The following SH3BGR variants were observed in gnomAD, a reference collection of about 807,000 sequenced individuals.
SH3BGR encodes SH3 domain-binding glutamic acid-rich protein.
SH3BGR carries 29 observed loss-of-function variants against 24.5 expected under a neutral mutation model. The ratio of observed to expected loss-of-function variants is 1.18; its 90% CI spans 0.88 to 1.61. SH3BGR has a LOEUF of 1.61. SH3BGR is among the 40% of genes most tolerant of loss of function. The pLI is 0.00. For missense variants in SH3BGR, 162 were observed against 205.8 expected (o/e 0.79, Z 1.30); for synonymous variants, 55 against 65.7 (o/e 0.84, Z 0.79).
intron 3 of SH3BGR, among the ~76,000 whole-genome samples, chr21:39,494,252 T>TTCTTC: frequency 7.6e-6 from 1 of 131,356 alleles, no homozygotes; most frequent in African/African-American, 2.6e-5. Flanking sequence ...CTTCTTCTTC[T>TTCTTC]TTTTTTTTTT....
chr21:39,479,108 G>A (rs1229091511), intron 3 of SH3BGR, among the ~76,000 whole-genome samples: 1 of 152,148 alleles, frequency 6.6e-6, no homozygotes, highest in African/African-American at 2.4e-5. Flanking sequence ...GTGGGTGCAT[G>A]TCTGTATTCC....
chr21:39,497,434 G>A (rs1355394014), intron 3 of SH3BGR, among the ~76,000 whole-genome samples: 4 of 151,608 alleles, frequency 2.6e-5, no homozygotes, highest in Non-Finnish European at 5.9e-5. Flanking sequence ...GCATATTTTA[G>A]AGAATAAAAG....
chr21:39,501,659 ATTTAC>A (rs1335509874), intron 4 of SH3BGR, among the ~76,000 whole-genome samples: 3 of 152,184 alleles, frequency 2.0e-5, no homozygotes, highest in Non-Finnish European at 4.4e-5. Flanking sequence ...ATGCTCTTTG[ATTTAC>A]TTTAATTCAA....
At chr21:39,506,820 TGAGGGTAG>T (rs573084083) in intron 4 of SH3BGR, among the ~76,000 whole-genome samples, 54 of 152,174 alleles carry the variant, frequency 3.5e-4, no homozygotes, top group African/African-American at 1.3e-3. Flanking sequence ...TTTCTAAAGA[TGAGGGTAG>T]TACAGTAAGG....
At chr21:39,486,985 T>A (rs2078222127) in intron 3 of SH3BGR, among the ~76,000 whole-genome samples, 1 of 152,256 alleles carries the variant, frequency 6.6e-6, no homozygotes, top group African/African-American at 2.4e-5. Context: ...TCCAAAGTGC[T>A]AGGATTACAG....
intron 3 of SH3BGR, among the ~76,000 whole-genome samples, chr21:39,479,029 G>C (rs935865287): frequency 3.9e-5 from 6 of 152,126 alleles, no homozygotes; most frequent in African/African-American, 1.4e-4. Context: ...TTTTATGTAA[G>C]TTGTTTTCCT....
At chr21:39,469,272 T>C (rs2077896989) in intron 2 of SH3BGR, among the ~76,000 whole-genome samples, 2 of 151,634 alleles carry the variant, frequency 1.3e-5, no homozygotes, top group Non-Finnish European at 2.9e-5. Context: ...GGTAGTTATG[T>C]CTTCTCTTTA....
intron 3 of SH3BGR, among the ~76,000 whole-genome samples, chr21:39,498,037 A>G (rs2837052): frequency 0.52 from 79,373 of 152,054 alleles, 21,174 homozygotes; most frequent in East Asian, 0.68. Context: ...TATATTTAAT[A>G]TGAAGCAGAT....
In SH3BGR at chr21:39,469,943, G is replaced by A. The variant is rs567191883; in HGVS notation, c.232-5192G>A. Among the ~76,000 whole-genome samples, 309 of 151,948 alleles carry A rather than the reference G, an allele frequency of 2.0e-3. 3 individuals are homozygous for A. Among genetic ancestry groups the A allele is most frequent in the African/African-American group, 6.8e-3 (280 of 41,464 alleles). On this transcript the variant is annotated intron_variant, in intron 2 of 6. Coordinates refer to ENST00000333634, the MANE Select transcript of SH3BGR (RefSeq NM_007341.3). ...AGTGCAGGGATTATGGACGTGAGCC[G>A]CCATGCCCAGCCTGCAGTATTTTCT...
At chr21:39,484,356 C>T (rs529029550) in intron 3 of SH3BGR, among the ~76,000 whole-genome samples, 2 of 152,298 alleles carry the variant, frequency 1.3e-5, no homozygotes, top group East Asian at 1.9e-4. Flanking sequence ...GTCAATGAAA[C>T]ACTCCGGAGA....
intron 4 of SH3BGR, among the ~76,000 whole-genome samples, chr21:39,503,228 G>A (rs2078526350): frequency 6.6e-6 from 1 of 152,144 alleles, no homozygotes; most frequent in Non-Finnish European, 1.5e-5. Context: ...AATAAAAACA[G>A]TTTTAAACAT....
chr21:39,447,228 A>G (rs1483070898), upstream of SH3BGR, among the ~76,000 whole-genome samples: 1 of 152,030 alleles, frequency 6.6e-6, no homozygotes, highest in Non-Finnish European at 1.5e-5. Context: ...TGGTGGCCCC[A>G]TGACAGTAAC....
chr21:39,462,039 A>G (rs1324338434), intron 1 of SH3BGR, among the ~76,000 whole-genome samples: 1 of 151,938 alleles, frequency 6.6e-6, no homozygotes, highest in Non-Finnish European at 1.5e-5. Context: ...AGTAGAGACA[A>G]GGTTTCACCA....
rs199736137 is a variant in SH3BGR at position 39,474,448 on chromosome 21, G to A, written c.232-687G>A. ...TAATAAAGTAGTCTGGGGGAATATC[G>A]TTTATGTTTTAATTATAAAAATTGA... On this transcript the variant is annotated intron_variant, in intron 2 of 6. Coordinates refer to ENST00000333634, the MANE Select transcript of SH3BGR (RefSeq NM_007341.3). Among the ~76,000 whole-genome samples the A allele has an allele frequency of 5.3e-5, 8 of 152,272 alleles. No homozygotes were observed. In the East Asian group the frequency reaches 5.8e-4, roughly 11 times the overall value.
upstream of SH3BGR, among the ~76,000 whole-genome samples, chr21:39,448,214 ACT>A (rs992996189): frequency 1.3e-5 from 2 of 151,966 alleles, no homozygotes; most frequent in Non-Finnish European, 2.9e-5. Context: ...ATCTGTAAAG[ACT>A]CTATTTCCAA....
Position 39,511,726 on chromosome 21 carries a change from A to T in SH3BGR, c.482A>T (p.Glu161Val). The stretch of plus-strand genomic sequence containing the variant: ...GGTGCGGAAGGGGAAGCCGAGGAGG[A>T]GGAAGAAACTGCAGAAGGAGAAGAG... ...MEGAEGEAEE[E>V]EETAEGEEPG... is the part of the protein sequence containing the mutation. Residue 161 changes from glutamate (E) to valine (V), a missense_variant, in exon 6 of 7, where the codon GAG (glutamate) becomes GTG (valine). Glu to Val is a moderately radical substitution (Grantham distance 121). Coordinates refer to ENST00000333634, the MANE Select transcript of SH3BGR (RefSeq NM_007341.3). The surrounding 1 kb of genome is among the most constrained non-coding windows in gnomAD (Gnocchi z 4.2). 1 of 1,583,250 alleles carries T rather than the reference A, an allele frequency of 6.3e-7. No homozygotes were observed. Among genetic ancestry groups the T allele is most frequent in the Non-Finnish European group, 8.6e-7 (1 of 1,167,644 alleles).
chr21:39,459,745 C>A (rs1459938317), intron 1 of SH3BGR, among the ~76,000 whole-genome samples: 2 of 151,542 alleles, frequency 1.3e-5, no homozygotes, highest in Non-Finnish European at 2.9e-5. Context: ...TTTGTAGAGG[C>A]CCCATCTCGA....
chr21:39,454,736 G>A (rs1197686142), intron 1 of SH3BGR, among the ~76,000 whole-genome samples: 1 of 152,178 alleles, frequency 6.6e-6, no homozygotes. Context: ...GAATTAGATC[G>A]TTGAGTGTCA....
chr21:39,512,128 CTTTG>C (rs1030478654), intron 6 of SH3BGR, among the ~76,000 whole-genome samples: 3 of 152,160 alleles, frequency 2.0e-5, no homozygotes, highest in Admixed American at 6.5e-5. Context: ...TCTATATAAA[CTTTG>C]TTTGAGAGAA....
Sources: allele counts gnomAD v4.1 joint callset (sites outside exome capture counted in the v4.1 genomes callset), GRCh38; gene constraint gnomAD v4.1.1; non-coding constraint Gnocchi (gnomAD v3.1); transcripts MANE v1.5; gene names NCBI Gene and HGNC (gene_info 2026-07-23, HGNC 2026-07-21).